LARGE1: variants seen among roughly 807,000 people sequenced by gnomAD.
LARGE1 encodes the protein xylosyl- and glucuronyltransferase LARGE1.
Under a neutral mutation model 87.6 loss-of-function variants are expected in LARGE1, and 43 were observed. That is an observed-to-expected ratio of 0.49 (90% CI 0.38 to 0.63). The LOEUF is 0.63. Among genes scored for constraint, LARGE1 ranks in the 30% least tolerant of loss-of-function variants. LARGE1 has a pLI of 0.00. For missense variants in LARGE1, 802 were observed against 1,000.2 expected, an observed-to-expected ratio of 0.80 and a Z score of 2.67; for synonymous variants, 434 against 394.6, an observed-to-expected ratio of 1.10 and a Z score of -1.18.
chr22:33,495,492 G>A (rs543720645), intron 6 of LARGE1, among the ~76,000 whole-genome samples: 7 of 152,210 alleles, frequency 4.6e-5, no homozygotes, highest in African/African-American at 9.6e-5. Context: ...AGGCCCAGGC[G>A]GGCTGATCAC....
intron 1 of LARGE1, among the ~76,000 whole-genome samples, chr22:33,876,108 A>C (rs563864245): frequency 6.6e-6 from 1 of 152,216 alleles, no homozygotes; most frequent in Non-Finnish European, 1.5e-5. Flanking sequence ...TGTCTGAATC[A>C]CTGATCTATT....
chr22:33,872,492 G>A (rs939100263), intron 1 of LARGE1, among the ~76,000 whole-genome samples: 5 of 151,458 alleles, frequency 3.3e-5, no homozygotes, highest in African/African-American at 7.3e-5. Flanking sequence ...TGTCATCATC[G>A]CCATCCCCAT....
chr22:33,762,213 C>CAAAAAAAAAAAAAAAAAAAAA, intron 1 of LARGE1, among the ~76,000 whole-genome samples: 1 of 84,478 alleles, frequency 1.2e-5, no homozygotes, highest in African/African-American at 5.1e-5. Context: ...GATTCTATCT[C>CAAAAAAAAAAAAAAAAAAAAA]AAAAAAAAAA....
At chr22:33,244,155 A>AT (rs545378643) in intron 11 of LARGE1, among the ~76,000 whole-genome samples, 14,443 of 145,496 alleles carry the variant, frequency 0.099, 1,004 homozygotes, top group African/African-American at 0.2. Flanking sequence ...AGCCCAGCTA[A>AT]TTTTTTTTTT....
intron 2 of LARGE1, among the ~76,000 whole-genome samples, chr22:33,754,082 T>C (rs1185140934): frequency 6.6e-6 from 1 of 151,940 alleles, no homozygotes; most frequent in Non-Finnish European, 1.5e-5. Context: ...AAAAGGAAAG[T>C]AGAGGTCATC....
chr22:33,661,570 G>T (rs12158154), intron 2 of LARGE1, among the ~76,000 whole-genome samples: 3,930 of 151,956 alleles, frequency 0.026, 188 homozygotes, highest in African/African-American at 0.091. Flanking sequence ...TCTGGTTTGG[G>T]TTACAGAGGA....
intron 6 of LARGE1, among the ~76,000 whole-genome samples, chr22:33,553,475 G>A (rs1434625887): frequency 4.4e-5 from 2 of 45,906 alleles, no homozygotes; most frequent in Non-Finnish European, 1.1e-4. Flanking sequence ...ATGATCCCAC[G>A]ACTGCACTCC....
chr22:33,699,540 C>T (rs1196293651), intron 2 of LARGE1, among the ~76,000 whole-genome samples: 6 of 152,140 alleles, frequency 3.9e-5, no homozygotes, highest in African/African-American at 1.2e-4. Context: ...ATGCAGAGGA[C>T]GGCACGATGT....
At chr22:33,516,602 TTA>T (rs1569230771) in intron 6 of LARGE1, among the ~76,000 whole-genome samples, 5 of 151,972 alleles carry the variant, frequency 3.3e-5, no homozygotes, top group African/African-American at 1.2e-4. Flanking sequence ...ATTATTATTA[TTA>T]TTTTTGAGAC....
intron 1 of LARGE1, among the ~76,000 whole-genome samples, chr22:33,870,719 C>A (rs568363783): frequency 6.6e-6 from 1 of 152,234 alleles, no homozygotes; most frequent in African/African-American, 2.4e-5. Flanking sequence ...CAGGTGTGTA[C>A]CAGCACACTC....
In LARGE1 at chr22:33,885,644, C is replaced by CATA. The variant is rs149677815; in HGVS notation, c.-83+34348_-83+34350dup. The stretch of plus-strand genomic sequence containing the variant: ...ACCCATTCAGAGGTCTCACTGCAGG[C>CATA]ATAAGCAGCTCAGCTACCCTCCGGG... On this transcript the variant is annotated intron_variant, in intron 1 of 14. Transcript: ENST00000397394. 2.0e-4 allele frequency among the ~76,000 whole-genome samples: 31 copies of CATA among 152,296 alleles called. No homozygotes were observed. In the East Asian group the frequency reaches 4.8e-3, roughly 24 times the overall value.
intron 2 of LARGE1, among the ~76,000 whole-genome samples, chr22:33,711,001 C>T (rs2082715331): frequency 6.6e-6 from 1 of 152,150 alleles, no homozygotes; most frequent in Non-Finnish European, 1.5e-5. Context: ...ATCATTCGCT[C>T]ATCATTTATT....
At chr22:33,773,372 A>C (rs2085132710) in intron 1 of LARGE1, among the ~76,000 whole-genome samples, 1 of 152,206 alleles carries the variant, frequency 6.6e-6, no homozygotes, top group South Asian at 2.1e-4. Context: ...ACAAGGGTCC[A>C]CTCCTGCCAA....
chr22:33,157,993 T>C (rs535323965), downstream of LARGE1, among the ~76,000 whole-genome samples: 1 of 152,080 alleles, frequency 6.6e-6, no homozygotes, highest in African/African-American at 2.4e-5. Flanking sequence ...ATAGTAAATT[T>C]GCAGAACAAT....
intron 1 of LARGE1, among the ~76,000 whole-genome samples, chr22:33,784,770 A>G (rs77820171): frequency 0.035 from 5,333 of 152,090 alleles, 121 homozygotes; most frequent in Non-Finnish European, 0.054. Context: ...CCATATATTC[A>G]TACAGTATGT....
At chr22:33,389,887 C>T (rs1042335136) in intron 7 of LARGE1, among the ~76,000 whole-genome samples, 39 of 110,200 alleles carry the variant, frequency 3.5e-4, no homozygotes, top group African/African-American at 2.1e-3. Context: ...ACCAACCAAC[C>T]AACCAAACAA....
At chr22:33,521,326 A>G (rs11089625) in intron 6 of LARGE1, among the ~76,000 whole-genome samples, 7,680 of 152,288 alleles carry the variant, frequency 0.05, 530 homozygotes, top group African/African-American at 0.16. Flanking sequence ...CTCTGCAGCC[A>G]TAAGTACAGC....
At chr22:33,838,175 C>G (rs190895057) in intron 1 of LARGE1, among the ~76,000 whole-genome samples, 3 of 152,192 alleles carry the variant, frequency 2.0e-5, no homozygotes, top group Non-Finnish European at 2.9e-5. Context: ...TAAAGGAAGA[C>G]AGACTGGCCC....
At chr22:33,442,794 CTTTT>C (rs559941819) in intron 6 of LARGE1, among the ~76,000 whole-genome samples, 5 of 140,168 alleles carry the variant, frequency 3.6e-5, no homozygotes, top group Admixed American at 7.2e-5. Flanking sequence ...ATACTGATAG[CTTTT>C]TTTTTTTTTT....
Sources: allele counts gnomAD v4.1 joint callset (sites outside exome capture counted in the v4.1 genomes callset), GRCh38; gene constraint gnomAD v4.1.1; transcripts MANE v1.5; gene names NCBI Gene and HGNC (gene_info 2026-07-23, HGNC 2026-07-21).